Variants in RRAGC observed in about 807,000 individuals in gnomAD.
The protein encoded by RRAGC is Ras related GTP binding C.
In RRAGC, 8 loss-of-function variants were observed where a neutral mutation model predicts 37.1. The ratio of observed to expected loss-of-function variants is 0.22; its 90% CI spans 0.13 to 0.39. The LOEUF (loss-of-function observed/expected upper bound fraction) is 0.39, where lower values mean the gene tolerates loss of function less well. Ranked by LOEUF, RRAGC falls within the 10% of genes least tolerant of loss-of-function variation. The pLI is 1.00. For missense variants in RRAGC, 342 were observed against 497.6 expected, an observed-to-expected ratio of 0.69 and a Z score of 2.98; for synonymous variants, 190 against 181.1, an observed-to-expected ratio of 1.05 and a Z score of -0.39.
At chr1:38,856,155 A>G (rs1002378525) in intron 2 of RRAGC, among the ~76,000 whole-genome samples, 4 of 152,108 alleles carry the variant, frequency 2.6e-5, no homozygotes, top group African/African-American at 9.7e-5. Flanking sequence ...TGATATGAAC[A>G]TTTTTTCCCA....
intron 6 of RRAGC, among the ~76,000 whole-genome samples, chr1:38,841,368 A>ATTT (rs370794807): frequency 5.7e-4 from 84 of 147,136 alleles, no homozygotes; most frequent in Non-Finnish European, 6.1e-4. Context: ...ATAAACAAAA[A>ATTT]TTTTTTTTTT....
At chr1:38,858,828 G>A (rs958593531) in intron 1 of RRAGC, among the ~76,000 whole-genome samples, 3 of 152,208 alleles carry the variant, frequency 2.0e-5, no homozygotes, top group Non-Finnish European at 4.4e-5. Flanking sequence ...ACCCCTACAG[G>A]GGGAACAGCA....
intron 6 of RRAGC, among the ~76,000 whole-genome samples, chr1:38,842,289 A>G (rs1641974296): frequency 6.6e-6 from 1 of 152,146 alleles, no homozygotes; most frequent in East Asian, 1.9e-4. Context: ...TAAATAAACA[A>G]ATAAACTAAC....
At chr1:38,842,086 C>T (rs973069105) in intron 6 of RRAGC, among the ~76,000 whole-genome samples, 1 of 152,164 alleles carries the variant, frequency 6.6e-6, no homozygotes, top group South Asian at 2.1e-4. Context: ...TCCTGGCTAA[C>T]ACAGTGAAAC....
rs1302540635 is a variant in RRAGC at position 38,838,921 on chromosome 1, T to C, written c.*632A>G. On this transcript the variant is annotated 3_prime_UTR_variant, in exon 7 of 7. Transcript: ENST00000373001. ...TTCTTCCATTTCAAAGTTTTTTCAA[T>C]ACTTCCGAGGGAACTAATGCAACCA... 1.3e-5 allele frequency: 2 copies of C among 152,260 alleles called. No homozygotes were observed. Among genetic ancestry groups the C allele is most frequent in the Non-Finnish European group, 2.9e-5 (2 of 68,046 alleles). The allele number at this position is 152,260 out of a possible 1,614,324, so 9.4% of individuals were successfully genotyped here.
intron 5 of RRAGC, among the ~76,000 whole-genome samples, chr1:38,850,343 T>C (rs2124224992): frequency 6.6e-6 from 1 of 151,724 alleles, no homozygotes; most frequent in East Asian, 1.9e-4. Context: ...TGGAATCCCG[T>C]CTCTACTAAA....
rs941472169 is a variant in RRAGC, at chr1:38,859,319, C to T, written c.237+91G>A. ...AAAGTGCGGAGGGACGGAGCGCAGG[C>T]GGGCCCCGGCCGCCGCCCTCCCGGG... On this transcript the variant is annotated intron_variant, in intron 1 of 6. Coordinates refer to ENST00000373001, the MANE Select transcript of RRAGC (RefSeq NM_022157.4). The T allele has an allele frequency of 2.8e-5, 33 of 1,183,858 alleles. No individual in the cohort carries two copies. In the South Asian group the frequency reaches 3.9e-4, roughly 14 times the overall value. 73.3% of individuals were successfully genotyped at this position (1,183,858 alleles called of 1,614,324 possible).
In RRAGC at chr1:38,839,165, A is replaced by G. The variant is rs573125264; in HGVS notation, c.*388T>C. 1 of 165,068 alleles carries G rather than the reference A, an allele frequency of 6.1e-6. No individual in the cohort carries two copies. Among genetic ancestry groups the G allele is most frequent in the Non-Finnish European group, 1.3e-5 (1 of 76,850 alleles). 10.2% of individuals were successfully genotyped at this position (165,068 alleles called of 1,614,324 possible). ...TCTACTCAAATGAAAGCCTAAGTGAAGCATATAAAAATTCAGTCTTTTCTA... is the reference window on the plus strand; with the variant it reads ...TCTACTCAAATGAAAGCCTAAGTGAGGCATATAAAAATTCAGTCTTTTCTA... On this transcript the variant is annotated 3_prime_UTR_variant, in exon 7 of 7. Coordinates refer to ENST00000373001, the MANE Select transcript of RRAGC (RefSeq NM_022157.4).
At chr1:38,850,790 G>A (rs1207238492) in intron 5 of RRAGC, among the ~76,000 whole-genome samples, 4 of 151,978 alleles carry the variant, frequency 2.6e-5, no homozygotes, top group Non-Finnish European at 5.9e-5. Context: ...TAATATACCA[G>A]GGGAATCTAG....
intron 6 of RRAGC, 139 bp downstream of exon 6, chr1:38,845,800 G>A (rs888874949): frequency 1.6e-6 from 1 of 632,018 alleles, no homozygotes; most frequent in Non-Finnish European, 2.7e-6. Context: ...TGGAAGGAAA[G>A]GGACAAAAGC....
chr1:38,839,118 A>G lies in RRAGC; in HGVS notation c.*435T>C, dbSNP rs1641918952. ...AATCTGAGAGGCAGTGTTAGAACTT[A>G]AGCAAGGCAGAATTTTTAGAGTCTA... On this transcript the variant is annotated 3_prime_UTR_variant, in exon 7 of 7. Coordinates refer to ENST00000373001, the MANE Select transcript of RRAGC (RefSeq NM_022157.4). The G allele has an allele frequency of 6.4e-6, 1 of 155,916 alleles. No individual in the cohort carries two copies. The highest frequency in any genetic ancestry group is 1.4e-5 in the Non-Finnish European group (1 of 70,614). The allele number at this position is 155,916 out of a possible 1,614,324, so 9.7% of individuals were successfully genotyped here. A position where few individuals can be genotyped will look rare whatever the true frequency, so the allele number is the denominator to read the frequency against.
rs1323354641 is a variant in RRAGC, at chr1:38,852,274, A to G, written c.756+100T>C. ...GGTCACTAGTCTTTGTACTTGATAC[A>G]GATTAATTCAAGACTTTTTTGGAAA... On this transcript the variant is annotated intron_variant, in intron 4 of 6. Coordinates refer to ENST00000373001, the MANE Select transcript of RRAGC (RefSeq NM_022157.4). 5.4e-6 allele frequency: 4 copies of G among 740,744 alleles called. No homozygotes were observed. In the East Asian group the frequency reaches 7.5e-5, roughly 14 times the overall value. 45.9% of individuals were successfully genotyped at this position (740,744 alleles called of 1,614,324 possible).
intron 6 of RRAGC, among the ~76,000 whole-genome samples, chr1:38,845,246 C>A (rs1249964326): frequency 6.6e-6 from 1 of 152,136 alleles, no homozygotes; most frequent in African/African-American, 2.4e-5. Flanking sequence ...CAATGACAGA[C>A]TGGATAAAGA....
intron 6 of RRAGC, among the ~76,000 whole-genome samples, chr1:38,842,017 A>G (rs1641969593): frequency 6.6e-6 from 1 of 152,148 alleles, no homozygotes; most frequent in Non-Finnish European, 1.5e-5. Context: ...GGGTGCCTGT[A>G]ATTCCAGCAC....
At chr1:38,845,338 A>G (rs941641703) in intron 6 of RRAGC, among the ~76,000 whole-genome samples, 1 of 152,194 alleles carries the variant, frequency 6.6e-6, no homozygotes, top group African/African-American at 2.4e-5. Flanking sequence ...ACATGGATGA[A>G]GCTGGAAACC....
At chr1:38,849,029 C>T (rs75252676) in intron 5 of RRAGC, among the ~76,000 whole-genome samples, 3,497 of 151,898 alleles carry the variant, frequency 0.023, 138 homozygotes, top group African/African-American at 0.078. Context: ...ATCACTTGAG[C>T]CTGGGAGGCA....
intron 1 of RRAGC, among the ~76,000 whole-genome samples, chr1:38,858,160 GGTAAATAAAACACA>G (rs1429565761): frequency 1.3e-5 from 2 of 151,954 alleles, no homozygotes; most frequent in African/African-American, 4.8e-5. Context: ...TGAAAATCAA[GGTAAATAAAACACA>G]GTACTCCAGC....
intron 5 of RRAGC, among the ~76,000 whole-genome samples, chr1:38,850,468 C>G (rs755301610): frequency 6.6e-6 from 1 of 151,816 alleles, no homozygotes; most frequent in Non-Finnish European, 1.5e-5. Context: ...GAGCCAAGAT[C>G]GCGCCACCAC....
intron 4 of RRAGC, 140 bp from the exon 5 acceptor site, chr1:38,851,897 C>T (rs185780771): frequency 3.1e-6 from 2 of 641,692 alleles, no homozygotes; most frequent in East Asian, 6.1e-5. Context: ...ATAGCACTTG[C>T]TTGAGAGACT....
Sources: allele counts gnomAD v4.1 joint callset (sites outside exome capture counted in the v4.1 genomes callset), GRCh38; gene constraint gnomAD v4.1.1; transcripts MANE v1.5; gene names NCBI Gene and HGNC (gene_info 2026-07-23, HGNC 2026-07-21).